Variants in TRPM7 observed in about 807,000 individuals in gnomAD.
The protein encoded by TRPM7 is LTRPC ion channel family member 7.
In TRPM7, 134 loss-of-function variants were observed where a neutral mutation model predicts 229.7. That is an observed-to-expected ratio of 0.58 (90% CI 0.51 to 0.67). The LOEUF (loss-of-function observed/expected upper bound fraction) is 0.67. TRPM7 is among the 30% of genes least tolerant of loss of function. The pLI, the probability that TRPM7 is intolerant of heterozygous loss-of-function variation, is 0.00. For synonymous variants in TRPM7, 699 were observed against 715.2 expected (o/e 0.98, Z 0.36); for missense variants, 1,901 against 2,210.0 (o/e 0.86, Z 2.80).
chr15:50,628,072 A>C, intron 11 of TRPM7, 77 bp downstream of exon 11: 1 of 997,790 alleles, frequency 1.0e-6, no homozygotes, highest in Non-Finnish European at 1.5e-6. Flanking sequence ...ATGTCAAGTC[A>C]GGTCACAGTT....
chr15:50,661,481 T>C (rs1310534786), intron 2 of TRPM7, among the ~76,000 whole-genome samples: 1 of 152,242 alleles, frequency 6.6e-6, no homozygotes, highest in Non-Finnish European at 1.5e-5. Flanking sequence ...GTTTTTTAAA[T>C]GTATCATATA....
rs777617962 is a variant in TRPM7, at chr15:50,592,501, G to A, written c.3734C>T (p.Thr1245Ile). 1.9e-6 allele frequency: 3 copies of A among 1,614,042 alleles called. No individual in the cohort carries two copies. Among genetic ancestry groups the A allele is most frequent in the East Asian group, 4.5e-5 (2 of 44,856 alleles). ...TTTCTGGGCAGTGAGTGTTTTTAAT[G>A]TATCTACCGTCAGGGCTGAAAGATC... Reference protein sequence around the residue: ...LQDLSALTVDTLKTLTAQKAS... With the variant: ...LQDLSALTVDILKTLTAQKAS... The change falls in exon 26 of 39, where the codon ACA becomes ATA. Residue 1245 changes from threonine (T) to isoleucine (I), a missense_variant. Physicochemically the swap from Thr to Ile is moderately conservative, Grantham distance 89. Transcript: ENST00000646667.
intron 26 of TRPM7, among the ~76,000 whole-genome samples, chr15:50,591,153 C>T (rs2059481730): frequency 6.6e-6 from 1 of 152,058 alleles, no homozygotes; most frequent in Non-Finnish European, 1.5e-5. Context: ...AATAGGTACA[C>T]CATAAGTACT....
chr15:50,673,362 C>T (rs2062030626), intron 1 of TRPM7, among the ~76,000 whole-genome samples: 1 of 152,138 alleles, frequency 6.6e-6, no homozygotes, highest in Non-Finnish European at 1.5e-5. Flanking sequence ...TTTTGGTGCA[C>T]CCATTGCCCG....
intron 29 of TRPM7, among the ~76,000 whole-genome samples, chr15:50,581,626 C>T (rs1238478282): frequency 1.3e-5 from 2 of 151,756 alleles, no homozygotes; most frequent in African/African-American, 2.4e-5. Flanking sequence ...TCACTGCAGC[C>T]TTTGTTGTGT....
intron 10 of TRPM7, 77 bp from the exon 11 acceptor site, chr15:50,628,326 A>T: frequency 2.2e-6 from 2 of 909,784 alleles, no homozygotes; most frequent in Admixed American, 2.1e-5. Context: ...TTTTTTTTTT[A>T]AGAGATGGGG....
chr15:50,609,753 G>A, intron 18 of TRPM7, 29 bp from the exon 19 acceptor site: 1 of 1,568,552 alleles, frequency 6.4e-7, no homozygotes, highest in Non-Finnish European at 8.6e-7. Flanking sequence ...AAATTCTTTT[G>A]TACAATTATT....
chr15:50,643,287 CA>C (rs150936263), intron 5 of TRPM7, 52 bp downstream of exon 5: 5,635 of 1,233,276 alleles, frequency 4.6e-3, no homozygotes, highest in Non-Finnish European at 4.8e-3. Context: ...GAGTCCGTCT[CA>C]AAAAAAAAAA....
chr15:50,599,044 G>C, intron 22 of TRPM7, 78 bp downstream of exon 22: 1 of 1,078,966 alleles, frequency 9.3e-7, no homozygotes, highest in Non-Finnish European at 1.3e-6. Flanking sequence ...CTGAAAATAT[G>C]CAATATTACT....
At position 50,592,633 on chromosome 15, in the gene TRPM7, G is replaced by T. The variant is rs1008212528; in HGVS notation, c.3609-7C>A. On this transcript the variant is annotated splice_region_variant and splice_polypyrimidine_tract_variant and intron_variant, in intron 25 of 38. Coordinates refer to ENST00000646667, the MANE Select transcript of TRPM7 (RefSeq NM_017672.6). ...AATGCACATCTGTTCCACTCTGTAG[G>T]AGAGAAATAAGCTTTTTTTACAAAT... 3.5e-5 allele frequency: 53 copies of T among 1,505,428 alleles called. No homozygotes were observed. Among genetic ancestry groups the T allele is most frequent in the Admixed American group, 8.7e-5 (4 of 46,210 alleles). The allele number at this position is 1,505,428 out of a possible 1,614,324, so 93.3% of individuals were successfully genotyped here. A position where few individuals can be genotyped will look rare whatever the true frequency, so the allele number is the denominator to read the frequency against.
intron 1 of TRPM7, among the ~76,000 whole-genome samples, chr15:50,668,424 G>A (rs994465956): frequency 6.6e-6 from 1 of 152,092 alleles, no homozygotes; most frequent in Non-Finnish European, 1.5e-5. Context: ...GACAAAATTT[G>A]GAGCATATTT....
In TRPM7 at chr15:50,575,059, T is replaced by C. The variant is rs2054067651; in HGVS notation, c.4812A>G (p.Gln1604=). The change falls in exon 34 of 39, where the codon CAA becomes CAG. Residue 1604 remains glutamine (Q), a synonymous_variant. Transcript: ENST00000646667. ...ILNNSMSSWS[Q]LGLCAKIEFL... ...ACTCTATTTTGGCACAGAGGCCTAGTTGTGACCAAGAAGACATGCTGTTAT... is the reference window on the plus strand; with the variant it reads ...ACTCTATTTTGGCACAGAGGCCTAGCTGTGACCAAGAAGACATGCTGTTAT... The C allele has an allele frequency of 1.9e-6, 3 of 1,614,152 alleles. No homozygotes were observed. Among genetic ancestry groups the C allele is most frequent in the Admixed American group, 3.3e-5 (2 of 60,022 alleles).
Position 50,652,742 on chromosome 15 carries a change from C to T in TRPM7, c.123-3857G>A, listed in dbSNP as rs75858935. 8.0e-4 allele frequency among the ~76,000 whole-genome samples: 122 copies of T among 152,008 alleles called. 2 individuals carry two copies. The highest frequency in any genetic ancestry group is 4.0e-3 in the Admixed American group (61 of 15,230). On this transcript the variant is annotated intron_variant, in intron 3 of 38. Coordinates refer to ENST00000646667, the MANE Select transcript of TRPM7 (RefSeq NM_017672.6). ...AAACAAAAACAAAATAAAACCAGCC[C>T]GTAATTCCAGCTACTTAGGAGGCTG...
intron 28 of TRPM7, among the ~76,000 whole-genome samples, chr15:50,583,569 CTTAGAGT>C (rs2140314332): frequency 7.3e-6 from 1 of 136,212 alleles, no homozygotes; most frequent in East Asian, 2.2e-4. Context: ...AAACTTTAAG[CTTAGAGT>C]TTTGTTTTTT....
At chr15:50,679,981 C>A (rs1469306539) in intron 1 of TRPM7, among the ~76,000 whole-genome samples, 2 of 151,512 alleles carry the variant, frequency 1.3e-5, no homozygotes, top group African/African-American at 4.8e-5. Flanking sequence ...CGCTTGTAAT[C>A]CCAGCACTTT....
At chr15:50,654,700 T>G (rs1435207232) in intron 3 of TRPM7, among the ~76,000 whole-genome samples, 1 of 150,758 alleles carries the variant, frequency 6.6e-6, no homozygotes, top group Non-Finnish European at 1.5e-5. Flanking sequence ...ATGTATGAAA[T>G]GAAAATTCAC....
chr15:50,621,032 G>A (rs926087097), intron 12 of TRPM7, among the ~76,000 whole-genome samples: 9 of 151,792 alleles, frequency 5.9e-5, no homozygotes, highest in Non-Finnish European at 1.3e-4. Flanking sequence ...GGTGGCGGGC[G>A]CCTGTAGTCC....
chr15:50,650,567 C>T (rs893816145), intron 3 of TRPM7, among the ~76,000 whole-genome samples: 5 of 151,230 alleles, frequency 3.3e-5, no homozygotes, highest in East Asian at 3.9e-4. Context: ...TGGTGGCGTA[C>T]GCTTGTAGTC....
intron 4 of TRPM7, among the ~76,000 whole-genome samples, chr15:50,644,797 CAAAAAAAAAAAAAAA>C (rs201997665): frequency 3.1e-5 from 2 of 64,834 alleles, no homozygotes; most frequent in African/African-American, 8.9e-5. Context: ...AACTGCGTCT[CAAAAAAAAAAAAAAA>C]AAAAAAAAAA....
Sources: allele counts gnomAD v4.1 joint callset (sites outside exome capture counted in the v4.1 genomes callset), GRCh38; gene constraint gnomAD v4.1.1; transcripts MANE v1.5; gene names NCBI Gene and HGNC (gene_info 2026-07-23, HGNC 2026-07-21).